SDK1: variants seen among roughly 807,000 people sequenced by gnomAD.
SDK1 encodes the protein protein sidekick-1.
In SDK1, 157 loss-of-function variants were observed where a neutral mutation model predicts 245.5. The ratio of observed to expected loss-of-function variants is 0.64; its 90% CI spans 0.56 to 0.73. The LOEUF (loss-of-function observed/expected upper bound fraction) is 0.73, where lower values mean the gene tolerates loss of function less well. SDK1 is among the 30% of genes least tolerant of loss of function. The pLI, the probability that SDK1 is intolerant of heterozygous loss-of-function variation, is 0.00. For synonymous variants in SDK1, 1,647 were observed against 1,278.5 expected (o/e 1.29, Z -6.15); for missense variants, 3,583 against 3,002.3 (o/e 1.19, Z -4.52).
Position 3,654,307 on chromosome 7 carries a change from C to A in SDK1, c.713+12202C>A, listed in dbSNP as rs915355842. ...TCTTATCCTGGGGCAAATTAGTGTC[C>A]CTCAACGTGAGTAAGAAGATGGAAA... On this transcript the variant is annotated intron_variant, in intron 4 of 44. Transcript: ENST00000404826. Among the ~76,000 whole-genome samples the A allele has an allele frequency of 2.6e-5, 4 of 152,096 alleles. No homozygotes were observed. In the East Asian group the frequency reaches 5.8e-4, roughly 22 times the overall value.
chr7:4,087,150 C>A (rs1781475205), intron 22 of SDK1, among the ~76,000 whole-genome samples: 1 of 151,960 alleles, frequency 6.6e-6, no homozygotes. Context: ...AACCAATTTT[C>A]TGGTTTCATT....
intron 1 of SDK1, among the ~76,000 whole-genome samples, chr7:3,392,774 A>G (rs1163281528): frequency 1.3e-5 from 2 of 152,066 alleles, no homozygotes; most frequent in African/African-American, 4.8e-5. Context: ...CATTCATATT[A>G]TAGCATGTAA....
intron 17 of SDK1, among the ~76,000 whole-genome samples, chr7:4,047,092 T>C (rs906695240): frequency 6.6e-6 from 1 of 152,232 alleles, no homozygotes; most frequent in African/African-American, 2.4e-5. Flanking sequence ...TTTTAGAGCT[T>C]AAATGAGATA....
intron 44 of SDK1, among the ~76,000 whole-genome samples, chr7:4,248,319 C>G (rs1358363951): frequency 6.6e-6 from 1 of 151,664 alleles, no homozygotes; most frequent in East Asian, 1.9e-4. Flanking sequence ...CACATGCACA[C>G]ACATATACAT....
intron 17 of SDK1, among the ~76,000 whole-genome samples, chr7:4,037,819 C>T (rs987620203): frequency 6.6e-6 from 1 of 152,148 alleles, no homozygotes; most frequent in African/African-American, 2.4e-5. Flanking sequence ...CAATGGATTT[C>T]TTGATTCCCA....
rs189658050 is a variant in SDK1, at chr7:3,759,450, A to G, written c.714-62000A>G. Reference sequence around the variant, plus strand: ...TCCTGATGCATGACTTTAAAGTATTAGTTAATGATGGTGAAAGCCAGCGAC... The same window carrying G: ...TCCTGATGCATGACTTTAAAGTATTGGTTAATGATGGTGAAAGCCAGCGAC... On this transcript the variant is annotated intron_variant, in intron 4 of 44. Transcript: ENST00000404826. 9.2e-5 allele frequency among the ~76,000 whole-genome samples: 14 copies of G among 152,310 alleles called. No individual in the cohort carries two copies. The East Asian group carries it at 2.7e-3, about 29-fold the overall frequency.
Position 3,701,814 on chromosome 7 carries a change from G to T in SDK1, c.713+59709G>T, listed in dbSNP as rs554269239. On this transcript the variant is annotated intron_variant, in intron 4 of 44. Coordinates refer to ENST00000404826, the MANE Select transcript of SDK1 (RefSeq NM_152744.4). Reference sequence around the variant, plus strand: ...GAACAGAATGGGGAACATAGAAATAGGCCCACATAAGTACAGCCAAGAGAT... The same window carrying T: ...GAACAGAATGGGGAACATAGAAATATGCCCACATAAGTACAGCCAAGAGAT... 5.3e-5 allele frequency among the ~76,000 whole-genome samples: 8 copies of T among 151,030 alleles called. No homozygotes were observed. In the South Asian group the frequency reaches 1.7e-3, roughly 31 times the overall value.
chr7:3,408,270 C>T (rs1435266762), intron 1 of SDK1, among the ~76,000 whole-genome samples: 1 of 152,028 alleles, frequency 6.6e-6, no homozygotes, highest in Non-Finnish European at 1.5e-5. Context: ...TCTTGAACTC[C>T]TGACCTCAAG....
At chr7:3,742,405 G>A (rs1048952907) in intron 4 of SDK1, among the ~76,000 whole-genome samples, 1 of 152,086 alleles carries the variant, frequency 6.6e-6, no homozygotes, top group Non-Finnish European at 1.5e-5. Flanking sequence ...CCGGTAAGGA[G>A]AATTTCCCAG....
chr7:3,396,773 G>A (rs1161764596), intron 1 of SDK1, among the ~76,000 whole-genome samples: 1 of 151,582 alleles, frequency 6.6e-6, no homozygotes, highest in Non-Finnish European at 1.5e-5. Context: ...ACAGCATATG[G>A]TTGTCAAGTT....
In SDK1 at chr7:3,301,660, C is replaced by A. The variant is rs1381399640; in HGVS notation, c.74C>A (p.Pro25His). ...GGAEPPERAG[P>H]GRPRGSPPGR... ...GCGGAGCCCCCTGAGCGCGCGGGCC[C>A]CGGGCGGCCGCGGGGATCCCCGCCC... The change falls in exon 1 of 45, where the codon CCC becomes CAC. Residue 25 changes from proline (P) to histidine (H), a missense_variant. Transcript: ENST00000404826. 1 of 976,372 alleles carries A rather than the reference C, an allele frequency of 1.0e-6. No homozygotes were observed. Among genetic ancestry groups the A allele is most frequent in the African/African-American group, 1.8e-5 (1 of 56,056 alleles). 60.5% of individuals were successfully genotyped at this position (976,372 alleles called of 1,614,324 possible). A position where few individuals can be genotyped will look rare whatever the true frequency, so the allele number is the denominator to read the frequency against.
At chr7:4,196,533 C>T (rs1394092330) in intron 35 of SDK1, among the ~76,000 whole-genome samples, 1 of 152,196 alleles carries the variant, frequency 6.6e-6, no homozygotes, top group East Asian at 1.9e-4. Flanking sequence ...CCTCCCTGCC[C>T]CTTGCTCTCC....
intron 1 of SDK1, among the ~76,000 whole-genome samples, chr7:3,435,954 T>G (rs1426179660): frequency 6.6e-6 from 1 of 152,230 alleles, no homozygotes; most frequent in Non-Finnish European, 1.5e-5. Flanking sequence ...AAAGCAGAAC[T>G]GTTGCTCTGG....
intron 5 of SDK1, among the ~76,000 whole-genome samples, chr7:3,865,535 G>A (rs556924746): frequency 1.3e-4 from 20 of 152,244 alleles, no homozygotes; most frequent in African/African-American, 4.3e-4. Flanking sequence ...TGGAGACAAG[G>A]TCTCGCTCTG....
At chr7:3,436,302 G>C (rs906409820) in intron 1 of SDK1, among the ~76,000 whole-genome samples, 1 of 152,038 alleles carries the variant, frequency 6.6e-6, no homozygotes, top group Admixed American at 6.6e-5. Flanking sequence ...AGGATTTAGA[G>C]GGATGATTAC....
chr7:3,437,687 T>A (rs1429945650), intron 1 of SDK1, among the ~76,000 whole-genome samples: 5 of 152,136 alleles, frequency 3.3e-5, no homozygotes, highest in Non-Finnish European at 7.4e-5. Context: ...AGTTTCAGGT[T>A]TCAGTGAGCT....
intron 19 of SDK1, among the ~76,000 whole-genome samples, chr7:4,055,804 A>T (rs1779159311): frequency 1.3e-5 from 2 of 152,020 alleles, no homozygotes; most frequent in South Asian, 2.1e-4. Flanking sequence ...CTTTAGCTGC[A>T]TCCCAGATGT....
intron 4 of SDK1, among the ~76,000 whole-genome samples, chr7:3,779,409 T>C (rs1467539753): frequency 6.6e-6 from 1 of 152,094 alleles, no homozygotes; most frequent in Admixed American, 6.5e-5. Flanking sequence ...CGAACAGTAG[T>C]TGATTTTTGT....
At chr7:4,235,811 C>T (rs1363802850) in intron 41 of SDK1, among the ~76,000 whole-genome samples, 1 of 152,230 alleles carries the variant, frequency 6.6e-6, no homozygotes, top group Non-Finnish European at 1.5e-5. Context: ...TCAGGGAAGC[C>T]AGCAACCATC....
Sources: gnomAD v4.1 joint callset for allele counts (sites outside exome capture counted in the v4.1 genomes callset) on GRCh38, gnomAD v4.1.1 for gene constraint, MANE v1.5 for transcripts, NCBI Gene and HGNC (gene_info 2026-07-23, HGNC 2026-07-21) for gene names.